The following ZNF808 variants were observed in gnomAD, a reference collection of about 807,000 sequenced individuals.
ZNF808 encodes the protein zinc finger protein 808.
Under a neutral mutation model 8.7 loss-of-function variants are expected in ZNF808, and 5 were observed. That is an observed-to-expected ratio of 0.58 (90% confidence interval 0.30 to 1.21). The LOEUF is 1.21. Ranked by LOEUF, ZNF808 falls within the 50% of genes most tolerant of loss-of-function variation. ZNF808 has a pLI of 0.07. For synonymous variants in ZNF808, 380 were observed against 366.0 expected, an observed-to-expected ratio of 1.04 and a Z score of -0.44; for missense variants, 1,103 against 1,098.4, an observed-to-expected ratio of 1.00 and a Z score of -0.06.
downstream of ZNF808, among the ~76,000 whole-genome samples, chr19:52,566,695 CTG>C (rs1002669420): frequency 5.5e-4 from 83 of 152,196 alleles, no homozygotes; most frequent in Middle Eastern, 3.4e-3. Flanking sequence ...AGTGGATAAA[CTG>C]TTAAACAGGA....
At chr19:52,542,966 G>C (rs1012032737) in intron 2 of ZNF808, among the ~76,000 whole-genome samples, 1 of 151,354 alleles carries the variant, frequency 6.6e-6, no homozygotes, top group African/African-American at 2.4e-5. Context: ...TTTGGGGGGG[G>C]GGTGGAGGCT....
chr19:52,539,734 G>C (rs1468611470), intron 2 of ZNF808, among the ~76,000 whole-genome samples: 4 of 151,278 alleles, frequency 2.6e-5, no homozygotes, highest in Non-Finnish European at 4.4e-5. Flanking sequence ...TGTATTTTCA[G>C]TGGAGATGGG....
At chr19:52,550,652 A>G (rs529235397) in intron 4 of ZNF808, among the ~76,000 whole-genome samples, 21 of 152,030 alleles carry the variant, frequency 1.4e-4, no homozygotes, top group Non-Finnish European at 2.2e-4. Flanking sequence ...CAGGCTCCCA[A>G]GTAGCTGGGA....
downstream of ZNF808, among the ~76,000 whole-genome samples, chr19:52,557,771 C>G (rs1013359415): frequency 1.3e-5 from 2 of 152,252 alleles, no homozygotes; most frequent in Admixed American, 1.3e-4. Context: ...CATAGGTATG[C>G]GTAAGATGCT....
Position 52,556,159 on chromosome 19 carries a change from G to A in ZNF808, c.*531G>A. On this transcript the variant is annotated 3_prime_UTR_variant, in exon 5 of 5. Coordinates refer to ENST00000359798, the MANE Select transcript of ZNF808 (RefSeq NM_001039886.4). ...TTCAAGCCTTAATTGACATTCAAGTGTTTATGTTAAGAGGATGGGGCCAGG... is the reference window on the plus strand; with the variant it reads ...TTCAAGCCTTAATTGACATTCAAGTATTTATGTTAAGAGGATGGGGCCAGG... The A allele has an allele frequency of 2.7e-6, 1 of 365,494 alleles. No homozygotes were observed. The highest frequency in any genetic ancestry group is 5.5e-6 in the Non-Finnish European group (1 of 182,502). 22.6% of individuals were successfully genotyped at this position (365,494 alleles called of 1,614,324 possible). A position where few individuals can be genotyped will look rare whatever the true frequency, so the allele number is the denominator to read the frequency against.
intron 3 of ZNF808, among the ~76,000 whole-genome samples, chr19:52,546,520 A>G (rs2059721819): frequency 6.6e-6 from 1 of 152,032 alleles, no homozygotes; most frequent in Non-Finnish European, 1.5e-5. Context: ...CTTTTCTTTC[A>G]AAGCCAATGG....
rs565524172 is a variant in ZNF808, at chr19:52,546,260, T to C, written c.64-1252T>C. The stretch of plus-strand genomic sequence containing the variant: ...TGAAGTGCAGTGGCATGATATTGGG[T>C]CATTGCAACCTCTGCCTCCTGATTT... On this transcript the variant is annotated intron_variant, in intron 3 of 4. Coordinates refer to ENST00000359798, the MANE Select transcript of ZNF808 (RefSeq NM_001039886.4). Among the ~76,000 whole-genome samples, 3 of 148,586 alleles carry C rather than the reference T, an allele frequency of 2.0e-5. No individual in the cohort carries two copies. The East Asian group carries it at 6.0e-4, about 30-fold the overall frequency.
At chr19:52,535,913 C>T (rs1432014854) in intron 2 of ZNF808, 3 of 152,116 alleles carry the variant, frequency 2.0e-5, no homozygotes, top group African/African-American at 4.8e-5. Context: ...GGCAAGGTCT[C>T]TCTGCCTCGC....
At chr19:52,552,787 G>A (rs561912332) in intron 4 of ZNF808, among the ~76,000 whole-genome samples, 26 of 149,386 alleles carry the variant, frequency 1.7e-4, no homozygotes, top group Non-Finnish European at 3.3e-4. Context: ...TCCTTGATGT[G>A]ACAGTGATAT....
At chr19:52,559,609 G>T (rs1023877797), downstream of ZNF808, among the ~76,000 whole-genome samples, 1 of 152,058 alleles carries the variant, frequency 6.6e-6, no homozygotes, top group Non-Finnish European at 1.5e-5. Flanking sequence ...AAATCTCTCC[G>T]TTCCACCTGA....
chr19:52,546,642 C>CTTTTTT lies in ZNF808; in HGVS notation c.64-855_64-850dup, dbSNP rs67940309. On this transcript the variant is annotated intron_variant, in intron 3 of 4. Transcript: ENST00000359798. Reference sequence around the variant, plus strand: ...GTCTGTAGAGAAAACCCTGTGTTTGCTTTTTTTTTTTTTTTTTTTTGAGAT... The same window carrying CTTTTTT: ...GTCTGTAGAGAAAACCCTGTGTTTGCTTTTTTTTTTTTTTTTTTTTTTTTTTGAGAT... 1.3e-4 allele frequency among the ~76,000 whole-genome samples: 13 copies of CTTTTTT among 98,800 alleles called. 1 individual carries two copies. Among genetic ancestry groups the CTTTTTT allele is most frequent in the Admixed American group, 1.3e-4 (1 of 7,856 alleles). The allele number at this position is 98,800 out of a possible 152,430, so 64.8% of individuals were successfully genotyped here. A position where few individuals can be genotyped will look rare whatever the true frequency, so the allele number is the denominator to read the frequency against.
At chr19:52,541,073 T>C (rs1718534464) in intron 2 of ZNF808, among the ~76,000 whole-genome samples, 1 of 152,032 alleles carries the variant, frequency 6.6e-6, no homozygotes, top group Admixed American at 6.6e-5. Flanking sequence ...TGCCTCAGCC[T>C]CCTGAGTAGC....
At chr19:52,564,460 A>C in exon 4 of ZNF808, 1 of 231,254 alleles carries the variant, frequency 4.3e-6, no homozygotes, top group South Asian at 9.7e-5. Flanking sequence ...GATTACCTAA[A>C]TTTCTGTTTT....
chr19:52,528,414 A>G (rs1406817834), intron 1 of ZNF808, among the ~76,000 whole-genome samples: 1 of 152,192 alleles, frequency 6.6e-6, no homozygotes, highest in African/African-American at 2.4e-5. Flanking sequence ...AAAACCTGAG[A>G]CAGAGAAAGA....
rs116027391 is a variant in ZNF808 at position 52,544,941 on chromosome 19, G to A, written c.63+1594G>A. Among the ~76,000 whole-genome samples, 929 of 152,176 alleles carry A rather than the reference G, an allele frequency of 6.1e-3. 8 individuals carry two copies. The highest frequency in any genetic ancestry group is 0.02 in the African/African-American group (826 of 41,514). On this transcript the variant is annotated intron_variant, in intron 3 of 4. Coordinates refer to ENST00000359798, the MANE Select transcript of ZNF808 (RefSeq NM_001039886.4). ...TGGGATTACAGGCATTCGCTGTCAC[G>A]CCTGGCTAATTATTTTGTATTTTTA...
rs1234298389 is a variant in ZNF808, at chr19:52,545,749, C to A, written c.64-1763C>A. Among the ~76,000 whole-genome samples, 6 of 151,652 alleles carry A rather than the reference C, an allele frequency of 4.0e-5. No homozygotes were observed. In the East Asian group the frequency reaches 7.8e-4, roughly 20 times the overall value. ...GCTGAGAGATTGTGCCACTGTATTC[C>A]AGCCTGTGCAATAGAGTGAGACTCC... is the stretch of plus-strand genomic sequence containing the variant. On this transcript the variant is annotated intron_variant, in intron 3 of 4. Transcript: ENST00000359798.
intron 1 of ZNF808, among the ~76,000 whole-genome samples, chr19:52,528,394 A>G (rs2059530094): frequency 6.6e-6 from 1 of 152,244 alleles, no homozygotes. Flanking sequence ...CAGGAGACAG[A>G]CAGCAGTAGA....
chr19:52,536,730 G>C (rs1381971715), intron 2 of ZNF808, among the ~76,000 whole-genome samples: 1 of 152,152 alleles, frequency 6.6e-6, no homozygotes, highest in East Asian at 1.9e-4. Flanking sequence ...GAGAAACACA[G>C]CAGGGAGGAC....
chr19:52,568,350 G>A (rs2059877794), downstream of ZNF808, among the ~76,000 whole-genome samples: 1 of 152,166 alleles, frequency 6.6e-6, no homozygotes, highest in African/African-American at 2.4e-5. Context: ...TTCCAGCCTG[G>A]GCGACAGAGC....
Sources: allele counts gnomAD v4.1 joint callset (sites outside exome capture counted in the v4.1 genomes callset), GRCh38; gene constraint gnomAD v4.1.1; transcripts MANE v1.5; gene names NCBI Gene and HGNC (gene_info 2026-07-23, HGNC 2026-07-21).